Variants in ZSWIM5 observed in about 807,000 individuals in gnomAD.
ZSWIM5 encodes zinc finger SWIM domain-containing protein 5.
A neutral mutation model predicts 119.6 loss-of-function variants in ZSWIM5; 55 were observed. That is an observed-to-expected ratio of 0.46 (90% CI 0.37 to 0.58). ZSWIM5 has a LOEUF of 0.58. Among genes scored for constraint, ZSWIM5 ranks in the 20% least tolerant of loss-of-function variants. ZSWIM5 has a pLI of 0.00. For synonymous variants in ZSWIM5, 537 were observed against 606.9 expected (o/e 0.88, Z 1.69); for missense variants, 1,193 against 1,512.8 (o/e 0.79, Z 3.51).
Position 45,018,904 on chromosome 1 carries a change from G to T in ZSWIM5, c.3108C>A (p.His1036Gln). 1 of 1,614,218 alleles carries T rather than the reference G, an allele frequency of 6.2e-7. No homozygotes were observed. Among genetic ancestry groups the T allele is most frequent in the Non-Finnish European group, 8.5e-7 (1 of 1,180,044 alleles). ...CCCAGAGCACATCATTGATGGCTGG[G>T]TGAGTATCCTGGTTGTAGGCCAGGT... ...HLNLAYNQDT[H>Q]PAINDVLWAC... The change falls in exon 14 of 14, where the codon CAC (histidine) becomes CAA (glutamine). Residue 1036 changes from histidine (H) to glutamine (Q), a missense_variant. This residue lies in a region of ZSWIM5 where 961 missense variants were observed against 1,290.0 expected (regional missense o/e 0.74). Coordinates refer to ENST00000359600, the MANE Select transcript of ZSWIM5 (RefSeq NM_020883.2). This position sits in a 1 kb window ranked among gnomAD's most constrained non-coding sequence, Gnocchi z 6.7.
intron 2 of ZSWIM5, among the ~76,000 whole-genome samples, chr1:45,068,425 A>T (rs1262817492): frequency 6.6e-6 from 1 of 151,072 alleles, no homozygotes; most frequent in Non-Finnish European, 1.5e-5. Flanking sequence ...TAATTTAAAA[A>T]TTTTAATGTA....
intron 1 of ZSWIM5, among the ~76,000 whole-genome samples, chr1:45,164,478 A>T (rs555864688): frequency 4.1e-4 from 63 of 151,922 alleles, no homozygotes; most frequent in African/African-American, 1.5e-3. Flanking sequence ...CAATATTAAC[A>T]TTAAATGTAA....
chr1:45,196,034 GTTTTTTTTTTTTTT>G (rs34236930), intron 1 of ZSWIM5, among the ~76,000 whole-genome samples: 36 of 103,952 alleles, frequency 3.5e-4, no homozygotes, highest in Non-Finnish European at 6.5e-4. Context: ...CACCCAGCTA[GTTTTTTTTTTTTTT>G]TTTTTTTTTT....
intron 1 of ZSWIM5, among the ~76,000 whole-genome samples, chr1:45,204,445 A>G (rs1470382790): frequency 2.6e-5 from 4 of 152,160 alleles, no homozygotes; most frequent in African/African-American, 9.7e-5. Context: ...AATAAACAAA[A>G]CTTGCTCAAG....
chr1:45,096,434 T>TGTG (rs1645402180), intron 1 of ZSWIM5, among the ~76,000 whole-genome samples: 1 of 144,344 alleles, frequency 6.9e-6, no homozygotes, highest in African/African-American at 2.5e-5. Flanking sequence ...AGATAACTGT[T>TGTG]TGTGTGTGTG....
At chr1:45,164,484 T>C (rs1645887445) in intron 1 of ZSWIM5, among the ~76,000 whole-genome samples, 1 of 152,042 alleles carries the variant, frequency 6.6e-6, no homozygotes, top group East Asian at 1.9e-4. Context: ...TAACATTAAA[T>C]GTAAATGGGC....
chr1:45,064,199 T>A (rs970484719), intron 2 of ZSWIM5, among the ~76,000 whole-genome samples: 3 of 152,236 alleles, frequency 2.0e-5, no homozygotes, highest in Non-Finnish European at 2.9e-5. Context: ...ATTTGTATTC[T>A]CCTGATATTC....
chr1:45,146,234 T>G (rs1272027650), intron 1 of ZSWIM5, among the ~76,000 whole-genome samples: 1 of 152,118 alleles, frequency 6.6e-6, no homozygotes, highest in Non-Finnish European at 1.5e-5. Context: ...TATGTTTTTA[T>G]GCTAATGGGA....
intron 1 of ZSWIM5, among the ~76,000 whole-genome samples, chr1:45,100,432 C>T (rs923799917): frequency 4.6e-5 from 7 of 152,142 alleles, no homozygotes; most frequent in African/African-American, 1.4e-4. Context: ...ATTCCATGCT[C>T]GTGGATAGGA....
intron 1 of ZSWIM5, among the ~76,000 whole-genome samples, chr1:45,191,776 A>G (rs1646094513): frequency 6.6e-6 from 1 of 152,230 alleles, no homozygotes; most frequent in African/African-American, 2.4e-5. Flanking sequence ...CTCATTCTCT[A>G]CGAAACATAA....
intron 1 of ZSWIM5, among the ~76,000 whole-genome samples, chr1:45,142,995 A>G (rs906928274): frequency 1.3e-5 from 2 of 148,150 alleles, no homozygotes; most frequent in African/African-American, 5.0e-5. Flanking sequence ...ACATGGTGAA[A>G]CCCTGTCTCT....
intron 1 of ZSWIM5, among the ~76,000 whole-genome samples, chr1:45,140,619 A>C (rs1488441628): frequency 6.6e-6 from 1 of 152,242 alleles, no homozygotes; most frequent in Non-Finnish European, 1.5e-5. Context: ...GCCCAATAAA[A>C]AAGGCAGAAA....
intron 1 of ZSWIM5, among the ~76,000 whole-genome samples, chr1:45,184,507 C>T (rs1172894966): frequency 1.3e-5 from 2 of 152,190 alleles, no homozygotes; most frequent in African/African-American, 4.8e-5. Flanking sequence ...ACCCCATTGT[C>T]TCAGCCCAAA....
intron 1 of ZSWIM5, among the ~76,000 whole-genome samples, chr1:45,146,216 A>C (rs2149036071): frequency 6.6e-6 from 1 of 152,234 alleles, no homozygotes. Context: ...TTTACTAAGA[A>C]ATAAAAGTAT....
intron 12 of ZSWIM5, 118 bp downstream of exon 12, chr1:45,020,507 C>A (rs1644881398): frequency 8.0e-7 from 1 of 1,243,808 alleles, no homozygotes; most frequent in Non-Finnish European, 1.1e-6. Context: ...AACTTGTGTT[C>A]TGGGCCCAAA....
At position 45,043,234 on chromosome 1, in the gene ZSWIM5, G is replaced by A; in HGVS notation, c.1594C>T (p.Gln532Ter). Residue 532 changes from glutamine (Q) to a stop codon, truncating the protein, a stop_gained, in exon 6 of 14, where the codon CAG becomes TAG. Coordinates refer to ENST00000359600, the MANE Select transcript of ZSWIM5 (RefSeq NM_020883.2). LOFTEE classifies it high-confidence loss of function. ...CTAGACTTACCAAGCCACAGTGGCTGGCCTTGGGAATTAAAGAGTAGTCTT... is the reference window on the plus strand; with the variant it reads ...CTAGACTTACCAAGCCACAGTGGCTAGCCTTGGGAATTAAAGAGTAGTCTT... ...SERLLFNSQG[Q>*]PLWLEHVPTA... 1.2e-6 allele frequency: 2 copies of A among 1,613,674 alleles called. No homozygotes were observed. Among genetic ancestry groups the A allele is most frequent in the Non-Finnish European group, 1.7e-6 (2 of 1,179,920 alleles).
intron 3 of ZSWIM5, among the ~76,000 whole-genome samples, chr1:45,059,007 G>A (rs1221264897): frequency 6.6e-6 from 1 of 152,168 alleles, no homozygotes; most frequent in African/African-American, 2.4e-5. Context: ...AACAAGTGTT[G>A]GACAGGATGT....
intron 2 of ZSWIM5, among the ~76,000 whole-genome samples, chr1:45,064,683 A>G (rs2149002167): frequency 6.6e-6 from 1 of 152,334 alleles, no homozygotes; most frequent in Non-Finnish European, 1.5e-5. Context: ...TGCCTGCCAT[A>G]TAGTAGGTGC....
intron 11 of ZSWIM5, among the ~76,000 whole-genome samples, chr1:45,030,996 G>A (rs7543211): frequency 0.059 from 8,819 of 150,700 alleles, 303 homozygotes; most frequent in East Asian, 0.12. Flanking sequence ...ACAGGGTTGC[G>A]CCATGTTGGC....
Sources: gnomAD v4.1 joint callset for allele counts (sites outside exome capture counted in the v4.1 genomes callset) on GRCh38, gnomAD v4.1.1 for gene constraint, gnomAD v4.1.1 regional missense constraint, Gnocchi (gnomAD v3.1) non-coding constraint, MANE v1.5 for transcripts, NCBI Gene and HGNC (gene_info 2026-07-23, HGNC 2026-07-21) for gene names.